Variants in DNAJC5B observed in about 807,000 individuals in gnomAD.
The protein encoded by DNAJC5B is DnaJ heat shock protein family (Hsp40) member C5 beta.
In DNAJC5B, 23 loss-of-function variants were observed where a neutral mutation model predicts 24.7. The ratio of observed to expected loss-of-function variants is 0.93; its 90% CI spans 0.67 to 1.32. DNAJC5B has a LOEUF of 1.32. DNAJC5B is among the 40% of genes most tolerant of loss of function. DNAJC5B has a pLI of 0.00. For missense variants in DNAJC5B, 238 were observed against 240.8 expected (o/e 0.99, Z 0.08); for synonymous variants, 101 against 90.1 (o/e 1.12, Z -0.68).
chr8:66,089,515 C>A (rs1204721140), intron 5 of DNAJC5B, among the ~76,000 whole-genome samples: 2 of 152,160 alleles, frequency 1.3e-5, no homozygotes, highest in South Asian at 2.1e-4. Flanking sequence ...TTTTCACCTG[C>A]CTTAAGATAC....
At chr8:66,097,405 A>G (rs10113415) in intron 5 of DNAJC5B, among the ~76,000 whole-genome samples, 50,812 of 151,796 alleles carry the variant, frequency 0.33, 11,321 homozygotes, top group African/African-American at 0.63. Flanking sequence ...GTAACACGTT[A>G]ACCCTGATCA....
chr8:66,040,437 T>G (rs933967960), intron 1 of DNAJC5B, among the ~76,000 whole-genome samples: 1 of 152,224 alleles, frequency 6.6e-6, no homozygotes, highest in Admixed American at 6.5e-5. Context: ...AGAATGTTTT[T>G]GGATACTCAT....
At chr8:66,084,648 G>A (rs982000838) in intron 5 of DNAJC5B, among the ~76,000 whole-genome samples, 2 of 152,132 alleles carry the variant, frequency 1.3e-5, no homozygotes, top group East Asian at 1.9e-4. Context: ...ACCAAAGGAG[G>A]GCATAGAGTC....
At chr8:66,090,328 G>A (rs867439459) in intron 5 of DNAJC5B, among the ~76,000 whole-genome samples, 12 of 151,082 alleles carry the variant, frequency 7.9e-5, no homozygotes, top group South Asian at 2.1e-4. Context: ...AGCCCAAATC[G>A]GAACCAGTTA....
chr8:66,092,946 CT>C (rs138850036), intron 5 of DNAJC5B, among the ~76,000 whole-genome samples: 12,519 of 152,094 alleles, frequency 0.082, 866 homozygotes, highest in African/African-American at 0.18. Flanking sequence ...CCAATAGTTA[CT>C]TTTTCAACCC....
chr8:66,058,510 C>A (rs1187328836), intron 3 of DNAJC5B, among the ~76,000 whole-genome samples: 1 of 152,186 alleles, frequency 6.6e-6, no homozygotes, highest in African/African-American at 2.4e-5. Flanking sequence ...TTCCCACTAC[C>A]ACTTAGCAAG....
rs76408318 is a variant in DNAJC5B at position 66,096,865 on chromosome 8, T to C, written c.506-3072T>C. ...TCTTCAATATAATGTACTTTGATCT[T>C]TTTCTACTAACCTACTTTTCGTGAG... On this transcript the variant is annotated intron_variant, in intron 5 of 5. Transcript: ENST00000276570. Among the ~76,000 whole-genome samples, 1,197 of 152,276 alleles carry C rather than the reference T, an allele frequency of 7.9e-3. 16 individuals are homozygous for C. Among genetic ancestry groups the C allele is most frequent in the African/African-American group, 0.027 (1,137 of 41,590 alleles).
chr8:66,034,204 G>GTGTGTGTGTGTGTGTC (rs1246941011), intron 1 of DNAJC5B, among the ~76,000 whole-genome samples: 1 of 151,856 alleles, frequency 6.6e-6, no homozygotes, highest in Non-Finnish European at 1.5e-5. Context: ...GTGTGTGTGT[G>GTGTGTGTGTGTGTGTC]TGTGATGTAA....
intron 5 of DNAJC5B, among the ~76,000 whole-genome samples, chr8:66,090,281 G>GTGT (rs1554591370): frequency 6.7e-6 from 1 of 149,406 alleles, no homozygotes. Flanking sequence ...GTGTGTGTGT[G>GTGT]GTAGAGAGAG....
intron 2 of DNAJC5B, among the ~76,000 whole-genome samples, chr8:66,047,226 G>A (rs985241975): frequency 1.3e-5 from 2 of 152,206 alleles, no homozygotes; most frequent in African/African-American, 2.4e-5. Flanking sequence ...AAGAGCAACC[G>A]TTTGGCCAAT....
intron 1 of DNAJC5B, among the ~76,000 whole-genome samples, chr8:66,029,570 A>ACTGT (rs1466643725): frequency 6.6e-6 from 1 of 152,192 alleles, no homozygotes; most frequent in Non-Finnish European, 1.5e-5. Flanking sequence ...TGGAGAAAGG[A>ACTGT]CTGTCAGTTA....
upstream of DNAJC5B, among the ~76,000 whole-genome samples, chr8:66,017,856 C>T (rs1054454587): frequency 2.6e-4 from 39 of 152,100 alleles, no homozygotes; most frequent in Admixed American, 9.8e-4. Flanking sequence ...ACATAGACTA[C>T]GAGCATTTTA....
chr8:66,047,184 T>C (rs1304204881), intron 2 of DNAJC5B, among the ~76,000 whole-genome samples: 1 of 152,228 alleles, frequency 6.6e-6, no homozygotes, highest in Non-Finnish European at 1.5e-5. Flanking sequence ...ATTTTAACAA[T>C]GAGGGCCAAA....
At chr8:66,096,644 T>G (rs1181946539) in intron 5 of DNAJC5B, among the ~76,000 whole-genome samples, 2 of 152,150 alleles carry the variant, frequency 1.3e-5, no homozygotes, top group African/African-American at 4.8e-5. Context: ...AGAAATGCTT[T>G]TGTCTTATAT....
At chr8:66,077,384 T>A (rs775542265) in intron 4 of DNAJC5B, among the ~76,000 whole-genome samples, 1 of 152,066 alleles carries the variant, frequency 6.6e-6, no homozygotes, top group African/African-American at 2.4e-5. Context: ...GGACAGGGAA[T>A]TGGAGAGGCA....
At chr8:66,027,605 G>A (rs770951378) in intron 1 of DNAJC5B, among the ~76,000 whole-genome samples, 18 of 152,232 alleles carry the variant, frequency 1.2e-4, no homozygotes, top group Non-Finnish European at 2.2e-4. Flanking sequence ...AGACGTTTTA[G>A]CCAGTTGAGA....
chr8:66,018,175 T>C (rs936442092), upstream of DNAJC5B, among the ~76,000 whole-genome samples: 4 of 152,208 alleles, frequency 2.6e-5, no homozygotes, highest in South Asian at 2.1e-4. Flanking sequence ...AGCCTCACTC[T>C]AGACATCCCA....
intron 5 of DNAJC5B, among the ~76,000 whole-genome samples, chr8:66,083,862 A>G (rs1280734577): frequency 6.6e-6 from 1 of 152,200 alleles, no homozygotes; most frequent in Non-Finnish European, 1.5e-5. Context: ...CACTCATCAG[A>G]CAGAGAAATG....
chr8:66,038,003 C>T (rs1349461044), intron 1 of DNAJC5B, among the ~76,000 whole-genome samples: 1 of 152,232 alleles, frequency 6.6e-6, no homozygotes, highest in African/African-American at 2.4e-5. Flanking sequence ...GCCCTGCTTC[C>T]AAGACCAGTG....
Sources: allele counts gnomAD v4.1 joint callset (sites outside exome capture counted in the v4.1 genomes callset), GRCh38; gene constraint gnomAD v4.1.1; transcripts MANE v1.5; gene names NCBI Gene and HGNC (gene_info 2026-07-23, HGNC 2026-07-21).